Variants in PUDP observed in about 807,000 individuals in gnomAD.
The protein encoded by PUDP is pseudouridine 5'-phosphatase, also known as pseudouridine-5'-phosphatase.
Under a neutral mutation model 9.4 loss-of-function variants are expected in PUDP, and 8 were observed. The observed-to-expected ratio is 0.85, with a 90% confidence interval of 0.50 to 1.53. PUDP has a LOEUF of 1.53. Among genes scored for constraint, PUDP ranks in the 40% most tolerant of loss-of-function variants. PUDP has a pLI of 0.00. For synonymous variants in PUDP, 99 were observed against 80.7 expected (o/e 1.23, Z -1.22); for missense variants, 188 against 189.7 (o/e 0.99, Z 0.05).
chrX:6,978,346 A>G (rs1375964137), intron 1 of PUDP, among the ~76,000 whole-genome samples: 1 of 88,433 alleles, frequency 1.1e-5, no homozygotes, highest in African/African-American at 3.8e-5. Context: ...TGTTCTTTCT[A>G]AAAAAAGAGA....
At chrX:6,933,656 A>G (rs1424023877) in intron 3 of PUDP, among the ~76,000 whole-genome samples, 5 of 112,321 alleles carry the variant, frequency 4.5e-5, no homozygotes, top group Non-Finnish European at 9.4e-5. Flanking sequence ...AGCTGAGAGA[A>G]GAAGGCTTCA....
intron 3 of PUDP, among the ~76,000 whole-genome samples, chrX:7,062,324 A>G (rs923616353): frequency 1.8e-5 from 2 of 111,654 alleles, no homozygotes; most frequent in African/African-American, 3.3e-5. Flanking sequence ...AGTCCTCTGG[A>G]GCAGGGACAG....
chrX:6,747,810 G>GC (rs140206891), intron 3 of PUDP, among the ~76,000 whole-genome samples: 9,613 of 111,526 alleles, frequency 0.086, 416 homozygotes, highest in African/African-American at 0.15. Flanking sequence ...ATTGTCCAGA[G>GC]TTTAAATAAA....
At chrX:6,818,345 G>A (rs1049773307) in intron 3 of PUDP, among the ~76,000 whole-genome samples, 1 of 111,785 alleles carries the variant, frequency 8.9e-6, no homozygotes, top group Non-Finnish European at 1.9e-5. Flanking sequence ...TCACAGAGGG[G>A]CTGCCATTGT....
chrX:6,920,463 A>G (rs1361291148), intron 3 of PUDP, among the ~76,000 whole-genome samples: 1 of 111,767 alleles, frequency 8.9e-6, no homozygotes, highest in Non-Finnish European at 1.9e-5. Flanking sequence ...TGGGCCCCCA[A>G]AATCTCTAAG....
At chrX:6,941,657 C>T (rs921280938) in intron 3 of PUDP, among the ~76,000 whole-genome samples, 1 of 104,141 alleles carries the variant, frequency 9.6e-6, no homozygotes, top group African/African-American at 3.3e-5. Context: ...GTTGAGTCAT[C>T]TTGTGGAAAA....
At chrX:7,014,916 T>C (rs1929526573) in intron 1 of PUDP, among the ~76,000 whole-genome samples, 1 of 111,785 alleles carries the variant, frequency 8.9e-6, no homozygotes, top group African/African-American at 3.3e-5. Flanking sequence ...ATAACTAACA[T>C]CACTTTTTAA....
chrX:6,768,898 C>T (rs762046610), intron 3 of PUDP, among the ~76,000 whole-genome samples: 11 of 111,641 alleles, frequency 9.9e-5, no homozygotes, highest in Non-Finnish European at 1.9e-4. Flanking sequence ...AATAGCTTTC[C>T]GTGGTGGTGT....
chrX:6,748,563 C>G (rs1432599584), intron 3 of PUDP, among the ~76,000 whole-genome samples: 1 of 111,196 alleles, frequency 9.0e-6, no homozygotes, highest in East Asian at 2.8e-4. Context: ...TTGAACAACT[C>G]AGGTTCAGTT....
intron 3 of PUDP, among the ~76,000 whole-genome samples, chrX:6,958,221 GAGGCAA>G (rs1172549920): frequency 9.0e-6 from 1 of 111,652 alleles, no homozygotes; most frequent in Non-Finnish European, 1.9e-5. Flanking sequence ...CTTTTTAAAA[GAGGCAA>G]AGGTAGAGGA....
chrX:6,816,453 T>C (rs907782967), intron 3 of PUDP, among the ~76,000 whole-genome samples: 5 of 103,721 alleles, frequency 4.8e-5, no homozygotes, highest in Non-Finnish European at 7.8e-5. Flanking sequence ...ATATACTATA[T>C]ATAGTACCTA....
intron 1 of PUDP, among the ~76,000 whole-genome samples, chrX:7,114,155 A>T (rs761560582): frequency 9.0e-6 from 1 of 110,968 alleles, no homozygotes; most frequent in Admixed American, 9.5e-5. Context: ...GCTCACTGAA[A>T]CCTCTGCATC....
rs767707861 is a variant in PUDP, at chrX:7,079,966, G to GA, written c.281-2518dup. Reference sequence around the variant, plus strand: ...AAATTAAACCCAAAACAAATAAAAGGAAGGAAATAATAAACATGAGAGAGA... The same window carrying GA: ...AAATTAAACCCAAAACAAATAAAAGGAAAGGAAATAATAAACATGAGAGAGA... On this transcript the variant is annotated intron_variant, in intron 2 of 3. Coordinates refer to ENST00000381077, the MANE Select transcript of PUDP (RefSeq NM_012080.5). Among the ~76,000 whole-genome samples, 439 of 111,775 alleles carry GA rather than the reference G, an allele frequency of 3.9e-3. 1 individual carries two copies. Among genetic ancestry groups the GA allele is most frequent in the African/African-American group, 0.014 (424 of 30,821 alleles).
intron 1 of PUDP, among the ~76,000 whole-genome samples, chrX:6,706,785 C>G (rs770023885): frequency 9.0e-6 from 1 of 111,693 alleles, no homozygotes; most frequent in Non-Finnish European, 1.9e-5. Context: ...CGACCAGGGG[C>G]AAGATGGCAC....
intron 1 of PUDP, among the ~76,000 whole-genome samples, chrX:7,106,627 A>G (rs1931891849): frequency 8.9e-6 from 1 of 111,832 alleles, no homozygotes; most frequent in Admixed American, 9.5e-5. Context: ...AATTGCACTC[A>G]TATTACCAAT....
chrX:6,916,249 C>CACACACACA (rs1440821475), intron 3 of PUDP, among the ~76,000 whole-genome samples: 1 of 96,528 alleles, frequency 1.0e-5, no homozygotes, highest in Non-Finnish European at 2.1e-5. Flanking sequence ...CACACACACA[C>CACACACACA]CCTGGGGAAC....
At chrX:6,878,437 G>T (rs1012975997) in intron 3 of PUDP, among the ~76,000 whole-genome samples, 15 of 108,634 alleles carry the variant, frequency 1.4e-4, no homozygotes, top group African/African-American at 5.0e-4. Context: ...CACAATCATA[G>T]CTCACTGCAA....
At chrX:6,964,882 GT>G (rs1165631694) in intron 3 of PUDP, among the ~76,000 whole-genome samples, 2 of 111,102 alleles carry the variant, frequency 1.8e-5, no homozygotes, top group East Asian at 2.8e-4. Context: ...CCTTTCCTAA[GT>G]TTTTTCCCCC....
chrX:7,019,258 T>A (rs979935115), intron 1 of PUDP, among the ~76,000 whole-genome samples: 1 of 112,144 alleles, frequency 8.9e-6, no homozygotes, highest in African/African-American at 3.2e-5. Context: ...GGGGTCTGGA[T>A]CGGGACCCCT....
Sources: allele counts gnomAD v4.1 joint callset (sites outside exome capture counted in the v4.1 genomes callset), GRCh38; gene constraint gnomAD v4.1.1; transcripts MANE v1.5; gene names NCBI Gene and HGNC (gene_info 2026-07-23, HGNC 2026-07-21).